The following SPOCD1 variants were observed in gnomAD, a reference collection of about 807,000 sequenced individuals.
SPOCD1 encodes SPOC domain containing 1, also known as SPOC domain-containing protein 1.
Under a neutral mutation model 92.2 loss-of-function variants are expected in SPOCD1, and 64 were observed. That is an observed-to-expected ratio of 0.69 (90% CI 0.57 to 0.86). The LOEUF is 0.86. Among genes scored for constraint, SPOCD1 ranks in the 40% least tolerant of loss-of-function variants. The probability of loss-of-function intolerance (pLI) is 0.00; values close to 1 mark genes in which losing one functional copy is unlikely to be tolerated. For missense variants in SPOCD1, 1,360 were observed against 1,543.1 expected (o/e 0.88, Z 1.99); for synonymous variants, 578 against 619.3 (o/e 0.93, Z 0.99).
intron 14 of SPOCD1, 72 bp from the exon 15 acceptor site, chr1:31,792,473 G>A (rs1332388853): frequency 6.6e-7 from 1 of 1,508,350 alleles, no homozygotes; most frequent in Admixed American, 2.0e-5. Context: ...TGGGCTCCCT[G>A]AAACCCCTGA....
At position 31,814,833 on chromosome 1, in the gene SPOCD1, G is replaced by GGCCT; in HGVS notation, c.497_500dup (p.Arg168GlyfsTer12). 1 of 1,612,668 alleles carries GGCCT rather than the reference G, an allele frequency of 6.2e-7. No individual in the cohort carries two copies. ...CTGGAGAACTCATTCCACCGTCTCT[G>GGCCT]GCCTCCCTGGGCCTGAGGCAGCTCA... On this transcript the variant is annotated frameshift_variant, in exon 2 of 16. Transcript: ENST00000360482. LOFTEE classifies it high-confidence loss of function. This position sits in a 1 kb window ranked among gnomAD's most constrained non-coding sequence, Gnocchi z 4.2.
Position 31,793,880 on chromosome 1 carries a change from C to A in SPOCD1, c.2401G>T (p.Glu801Ter). 1 of 1,612,458 alleles carries A rather than the reference C, an allele frequency of 6.2e-7. No individual in the cohort carries two copies. Among genetic ancestry groups the A allele is most frequent in the Non-Finnish European group, 8.5e-7 (1 of 1,178,660 alleles). ...HICKDWEPSN[E>*]LLGSFEAAKS... ...GCGGCTTCGAAGGAGCCTAGCAGCT[C>A]ATTCGAGGGCTCCCAGTCTGCAAAT... is the stretch of plus-strand genomic sequence containing the variant. The change falls in exon 12 of 16, where the codon GAG becomes TAG. Residue 801 changes from glutamate (E) to a stop codon, truncating the protein, a stop_gained. Transcript: ENST00000360482. LOFTEE classifies it high-confidence loss of function.
Position 31,814,753 on chromosome 1 carries a change from AGG to A in SPOCD1, c.579_580del (p.Leu194AspfsTer25). The A allele has an allele frequency of 6.2e-7, 1 of 1,613,672 alleles. No homozygotes were observed. Among genetic ancestry groups the A allele is most frequent in the East Asian group, 2.2e-5 (1 of 44,880 alleles). ...AGGGACTGGGTCTGGTGAGGATGTC[AGG>A]GGCCTTCCAGGGGGCTCCTCTTTGC... On this transcript the variant is annotated frameshift_variant, in exon 2 of 16. Transcript: ENST00000360482. LOFTEE classifies it high-confidence loss of function. The surrounding 1 kb of genome is among the most constrained non-coding windows in gnomAD (Gnocchi z 4.2).
intron 10 of SPOCD1, 152 bp from the exon 11 acceptor site, chr1:31,794,387 G>A: frequency 2.1e-6 from 1 of 484,206 alleles, no homozygotes; most frequent in Non-Finnish European, 3.7e-6. Flanking sequence ...AAGAAAATTT[G>A]GAAAACACCA....
In SPOCD1 at chr1:31,799,444, G is replaced by T; in HGVS notation, c.1825C>A (p.Arg609=). 1.2e-6 allele frequency: 2 copies of T among 1,611,756 alleles called. No individual in the cohort carries two copies. Among genetic ancestry groups the T allele is most frequent in the African/African-American group, 2.7e-5 (2 of 75,024 alleles). ...TGCATGGAACGGACAACAGTGCCCC[G>T]CACCCCAATATACAGGGATGGCTTC... The part of the protein sequence containing the change: ...QEKPSLYIGV[R]GTVVRSMQEV... The change falls in exon 7 of 16, where the codon CGG becomes AGG. Residue 609 remains arginine, a synonymous_variant. Transcript: ENST00000360482.
intron 3 of SPOCD1, 93 bp from the exon 4 acceptor site, chr1:31,800,710 T>C (rs1648404654): frequency 1.8e-6 from 2 of 1,124,560 alleles, no homozygotes; most frequent in Non-Finnish European, 2.5e-6. Context: ...TGAACATCTC[T>C]CTCCCACTGG....
At chr1:31,803,868 A>G (rs1479116776) in intron 2 of SPOCD1, among the ~76,000 whole-genome samples, 1 of 151,836 alleles carries the variant, frequency 6.6e-6, no homozygotes, top group Non-Finnish European at 1.5e-5. Context: ...GTAGGAAGAA[A>G]GAAGGAAGGA....
Position 31,800,423 on chromosome 1 carries a change from A to G in SPOCD1, c.1602+18T>C. 6.5e-7 allele frequency: 1 copy of G among 1,540,674 alleles called. No individual in the cohort carries two copies. The highest frequency in any genetic ancestry group is 8.8e-7 in the Non-Finnish European group (1 of 1,138,484). On this transcript the variant is annotated intron_variant, in intron 4 of 15. Coordinates refer to ENST00000360482, the MANE Select transcript of SPOCD1 (RefSeq NM_144569.7). ...GTGCCTCTCTCAGCAGGATTAAATG[A>G]CATCACTTGTTCTGTACCTGGCACC...
rs777308017 is a variant in SPOCD1, at chr1:31,791,121, TCTC to T, written c.3130_3132del (p.Glu1044del). Reference sequence around the variant, plus strand: ...CTGTCATCTGGCTGATAGTATCTCTTCTCCACCTTACTGTTGAAGGAGACCATC... The same window carrying T: ...CTGTCATCTGGCTGATAGTATCTCTTCACCTTACTGTTGAAGGAGACCATC... On this transcript the variant is annotated inframe_deletion, in exon 16 of 16. Transcript: ENST00000360482. The T allele has an allele frequency of 6.2e-6, 10 of 1,613,012 alleles. No homozygotes were observed. Among genetic ancestry groups the T allele is most frequent in the Admixed American group, 1.7e-5 (1 of 59,964 alleles).
chr1:31,806,656 C>T (rs1251517243), intron 2 of SPOCD1, among the ~76,000 whole-genome samples: 3 of 152,014 alleles, frequency 2.0e-5, no homozygotes, highest in Admixed American at 6.6e-5. Context: ...AGCGATTCTC[C>T]TGCCTCAGCC....
intron 2 of SPOCD1, among the ~76,000 whole-genome samples, chr1:31,812,658 G>C (rs575340099): frequency 6.6e-6 from 1 of 152,326 alleles, no homozygotes; most frequent in East Asian, 1.9e-4. Flanking sequence ...TATGTCAATA[G>C]AGTCTACCTC....
chr1:31,800,308 G>A (rs1237855549), intron 4 of SPOCD1, 133 bp downstream of exon 4: 7 of 1,429,502 alleles, frequency 4.9e-6, no homozygotes, highest in South Asian at 2.8e-5. Flanking sequence ...GGCTGGGGCC[G>A]AACCCTGCCT....
In SPOCD1 at chr1:31,809,631, A is replaced by T. The variant is rs116640668; in HGVS notation, c.1383+4320T>A. Reference sequence around the variant, plus strand: ...GGATACTTGGTGCCAACACTTAGGAACTGTGTGATCTTGGGAAAGTTACTT... The same window carrying T: ...GGATACTTGGTGCCAACACTTAGGATCTGTGTGATCTTGGGAAAGTTACTT... On this transcript the variant is annotated intron_variant, in intron 2 of 15. Transcript: ENST00000360482. 2.3e-3 allele frequency among the ~76,000 whole-genome samples: 357 copies of T among 152,262 alleles called. 1 individual carries two copies. The highest frequency in any genetic ancestry group is 7.7e-3 in the African/African-American group (320 of 41,546).
At position 31,790,842 on chromosome 1, in the gene SPOCD1, G is replaced by A; in HGVS notation, c.3412C>T (p.His1138Tyr). Reference protein sequence around the residue: ...PAGHGFGRGQHFHRDSCPHQA... With the variant: ...PAGHGFGRGQYFHRDSCPHQA... The stretch of plus-strand genomic sequence containing the variant: ...TGGGGACAGGAGTCCCTGTGGAAGT[G>A]CTGGCCACGGCCAAAGCCATGACCA... The change falls in exon 16 of 16, where the codon CAC becomes TAC. Residue 1138 changes from histidine (H) to tyrosine (Y), a missense_variant. Coordinates refer to ENST00000360482, the MANE Select transcript of SPOCD1 (RefSeq NM_144569.7). 6.5e-7 allele frequency: 1 copy of A among 1,540,248 alleles called. No individual in the cohort carries two copies. The highest frequency in any genetic ancestry group is 8.7e-7 in the Non-Finnish European group (1 of 1,143,036).
In SPOCD1 at chr1:31,801,701, T is replaced by C; in HGVS notation, c.1388A>G (p.Glu463Gly). Reference sequence around the variant, plus strand: ...CTTCACTCCATGGGGTATTTTCACTTCCTCCTTGGAGAGAAAGAGGATGCA... The same window carrying C: ...CTTCACTCCATGGGGTATTTTCACTCCCTCCTTGGAGAGAAAGAGGATGCA... ...PSPGGCPRLE[E>G]VKIPHGVKLV... Residue 463 changes from glutamate (E) to glycine (G), a missense_variant, in exon 3 of 16, where the codon GAA becomes GGA. Physicochemically the swap from Glu to Gly is moderately conservative, Grantham distance 98 (BLOSUM62 -2). Transcript: ENST00000360482. 6.2e-7 allele frequency: 1 copy of C among 1,613,658 alleles called. No individual in the cohort carries two copies. Among genetic ancestry groups the C allele is most frequent in the Non-Finnish European group, 8.5e-7 (1 of 1,179,736 alleles).
chr1:31,806,773 T>G (rs1431051310), intron 2 of SPOCD1, among the ~76,000 whole-genome samples: 1 of 152,136 alleles, frequency 6.6e-6, no homozygotes, highest in Non-Finnish European at 1.5e-5. Flanking sequence ...CAGGCTGGTC[T>G]CAAACTCCTG....
chr1:31,801,586 A>C (rs1326718907), intron 3 of SPOCD1, 78 bp downstream of exon 3: 11 of 1,305,014 alleles, frequency 8.4e-6, no homozygotes, highest in Non-Finnish European at 1.1e-5. Flanking sequence ...CTCCACATCT[A>C]CTGTGGAGGA....
chr1:31,803,615 C>T (rs1188416456), intron 2 of SPOCD1, among the ~76,000 whole-genome samples: 3 of 151,736 alleles, frequency 2.0e-5, no homozygotes, highest in African/African-American at 4.8e-5. Flanking sequence ...GTGGTGTGTA[C>T]CTGTAGTCCC....
At position 31,791,005 on chromosome 1, in the gene SPOCD1, G is replaced by T. The variant is rs766870662; in HGVS notation, c.3249C>A (p.Ile1083=). ...QGRGSIAPRG[I]SAWQRPPRGR... ...CTCTGGGGGGCCTCTGCCAAGCAGAGATTCCCCTTGGAGCTATACTGCCCC... is the reference window on the plus strand; with the variant it reads ...CTCTGGGGGGCCTCTGCCAAGCAGATATTCCCCTTGGAGCTATACTGCCCC... Residue 1083 remains isoleucine (I), a synonymous_variant, in exon 16 of 16, where the codon ATC becomes ATA. Transcript: ENST00000360482. 6.3e-7 allele frequency: 1 copy of T among 1,595,574 alleles called. No homozygotes were observed. Among genetic ancestry groups the T allele is most frequent in the Admixed American group, 1.7e-5 (1 of 57,148 alleles).
Sources: allele counts gnomAD v4.1 joint callset (sites outside exome capture counted in the v4.1 genomes callset), GRCh38; gene constraint gnomAD v4.1.1; non-coding constraint Gnocchi (gnomAD v3.1); transcripts MANE v1.5; gene names NCBI Gene and HGNC (gene_info 2026-07-23, HGNC 2026-07-21).